Variants in N4BP2L2 observed in about 807,000 individuals in gnomAD.
The protein encoded by N4BP2L2 is NEDD4 binding protein 2 like 2, also known as NEDD4-binding protein 2-like 2.
A neutral mutation model predicts 56.2 loss-of-function variants in N4BP2L2; 50 were observed. That is an observed-to-expected ratio of 0.89 (90% CI 0.71 to 1.13). N4BP2L2 has a LOEUF of 1.13. Among genes scored for constraint, N4BP2L2 ranks in the 50% most tolerant of loss-of-function variants. The pLI, the probability that N4BP2L2 is intolerant of heterozygous loss-of-function variation, is 0.00. For synonymous variants in N4BP2L2, 203 were observed against 223.6 expected (o/e 0.91, Z 0.82); for missense variants, 689 against 693.8 (o/e 0.99, Z 0.08).
chr13:32,533,716 A>C (rs2055690330), intron 2 of N4BP2L2, among the ~76,000 whole-genome samples: 1 of 151,932 alleles, frequency 6.6e-6, no homozygotes, highest in African/African-American at 2.4e-5. Context: ...CTGGGTTTTC[A>C]GGTGTGAGCC....
At chr13:32,447,375 A>G (rs2077195315) in intron 6 of N4BP2L2, among the ~76,000 whole-genome samples, 2 of 152,188 alleles carry the variant, frequency 1.3e-5, no homozygotes, top group Admixed American at 6.6e-5. Flanking sequence ...AGATCAACAG[A>G]TGGGCACAAG....
chr13:32,444,259 T>C (rs2076704706), intron 6 of N4BP2L2: 1 of 615,236 alleles, frequency 1.6e-6, no homozygotes, highest in East Asian at 3.3e-5. Context: ...GCACGTACTT[T>C]TTCTTTGTTT....
In N4BP2L2 at chr13:32,443,822, CG is replaced by C; in HGVS notation, c.669del (p.Asn223LysfsTer5). 6.3e-7 allele frequency: 1 copy of C among 1,586,420 alleles called. No homozygotes were observed. Among genetic ancestry groups the C allele is most frequent in the Non-Finnish European group, 8.6e-7 (1 of 1,168,344 alleles). ...TTGTCTAATTCAACTATAGACATAA[CG>C]TTTTGGAAACTGTCTTTAGGATCTT... is the stretch of plus-strand genomic sequence containing the variant. On this transcript the variant is annotated frameshift_variant, in exon 7 of 10. Coordinates refer to the N4BP2L2 transcript ENST00000357505. LOFTEE classifies it high-confidence loss of function.
exon 7 of N4BP2L2, chr13:32,442,978 T>C (rs1226167389): frequency 6.2e-7 from 1 of 1,613,730 alleles, no homozygotes; most frequent in Non-Finnish European, 8.5e-7. Context: ...TCCATGGTTT[T>C]TTGTTAACAG....
At chr13:32,467,371 C>T (rs1444892117) in intron 6 of N4BP2L2, among the ~76,000 whole-genome samples, 1 of 151,850 alleles carries the variant, frequency 6.6e-6, no homozygotes, top group Non-Finnish European at 1.5e-5. Context: ...GATTCTCCTG[C>T]CTCAGCTTCC....
chr13:32,536,278 T>C, exon 2 of N4BP2L2: 2 of 1,613,632 alleles, frequency 1.2e-6, no homozygotes, highest in African/African-American at 1.3e-5. Context: ...GTATTACTTG[T>C]CCATTACAGG....
chr13:32,453,781 C>T (rs545763052), intron 6 of N4BP2L2, among the ~76,000 whole-genome samples: 2 of 152,354 alleles, frequency 1.3e-5, no homozygotes, highest in South Asian at 2.1e-4. Flanking sequence ...ACCTTCTTCT[C>T]AAAGAACTGT....
intron 6 of N4BP2L2, among the ~76,000 whole-genome samples, chr13:32,452,980 T>G (rs1486950010): frequency 6.6e-6 from 1 of 152,178 alleles, no homozygotes; most frequent in East Asian, 1.9e-4. Flanking sequence ...TATTCTTGGT[T>G]GGGCACAGTG....
rs189411943 is a variant in N4BP2L2 at position 32,433,413 on chromosome 13, C to T, written c.*22-441G>A. Among the ~76,000 whole-genome samples, 171 of 151,742 alleles carry T rather than the reference C, an allele frequency of 1.1e-3. 1 individual carries two copies. In the South Asian group the frequency reaches 0.014, roughly 12 times the overall value. On this transcript the variant is annotated intron_variant, in intron 9 of 9. Coordinates refer to the N4BP2L2 transcript ENST00000357505. ...TGGGAGGCCGAGGTGGGCAGATCAC[C>T]TGAGGTCAGGAGTTCAAGACCAGCC...
chr13:32,457,710 T>C (rs1033565491), intron 6 of N4BP2L2, among the ~76,000 whole-genome samples: 6 of 152,158 alleles, frequency 3.9e-5, no homozygotes, highest in Non-Finnish European at 7.4e-5. Context: ...AGACTGGCAC[T>C]ACAAGAAACG....
chr13:32,472,143 G>A (rs544118642), intron 6 of N4BP2L2, among the ~76,000 whole-genome samples: 31 of 152,274 alleles, frequency 2.0e-4, no homozygotes, highest in South Asian at 1.7e-3. Context: ...AGACAACATC[G>A]TAAAGAGCGG....
chr13:32,448,670 C>A (rs903678701), intron 6 of N4BP2L2, among the ~76,000 whole-genome samples: 4 of 151,866 alleles, frequency 2.6e-5, no homozygotes, highest in Admixed American at 1.3e-4. Context: ...CTGAAGAAAG[C>A]AGGAAGGGAG....
intron 6 of N4BP2L2, chr13:32,505,221 G>A (rs1191603715): frequency 2.0e-5 from 3 of 152,362 alleles, no homozygotes; most frequent in African/African-American, 7.2e-5. Flanking sequence ...CCATTTTATA[G>A]AATCTCAAGA....
rs1271589711 is a variant in N4BP2L2 at position 32,526,707 on chromosome 13, C to T, written c.1384+701G>A. 3.3e-5 allele frequency among the ~76,000 whole-genome samples: 5 copies of T among 150,700 alleles called. No individual in the cohort carries two copies. In the South Asian group the frequency reaches 1.1e-3, roughly 32 times the overall value. On this transcript the variant is annotated intron_variant, in intron 3 of 5. Coordinates refer to ENST00000267068, the Ensembl canonical transcript of N4BP2L2. ...TCAACAGTTTTCAATTCTGACTATA[C>T]ATCAGAATCGTCTGGAGAAATTTCA...
intron 6 of N4BP2L2, among the ~76,000 whole-genome samples, chr13:32,446,761 C>T (rs567782087): frequency 2.0e-5 from 3 of 152,148 alleles, no homozygotes; most frequent in African/African-American, 7.2e-5. Flanking sequence ...TACAATTGCA[C>T]TTGGAAAATT....
At chr13:32,449,267 G>A (rs978730537) in intron 6 of N4BP2L2, among the ~76,000 whole-genome samples, 6 of 152,190 alleles carry the variant, frequency 3.9e-5, no homozygotes, top group African/African-American at 1.4e-4. Context: ...CTATAATTAT[G>A]TAGTTTGTCT....
chr13:32,441,619 G>A (rs949019956), intron 7 of N4BP2L2, among the ~76,000 whole-genome samples: 8 of 150,996 alleles, frequency 5.3e-5, no homozygotes, highest in Non-Finnish European at 1.0e-4. Context: ...GGGAAGTGGA[G>A]GTTGCAGTGA....
intron 6 of N4BP2L2, among the ~76,000 whole-genome samples, chr13:32,450,529 T>C (rs2138453652): frequency 6.6e-6 from 1 of 152,232 alleles, no homozygotes; most frequent in African/African-American, 2.4e-5. Context: ...TTTCACTGTG[T>C]TAACCAGGAC....
At chr13:32,536,316 T>A (rs764254454) in exon 2 of N4BP2L2, 3 of 1,613,966 alleles carry the variant, frequency 1.9e-6, no homozygotes, top group Non-Finnish European at 2.5e-6. Flanking sequence ...TTCCCCAAGT[T>A]CTGCTGATAA....
Sources: allele counts gnomAD v4.1 joint callset (sites outside exome capture counted in the v4.1 genomes callset), GRCh38; gene constraint gnomAD v4.1.1; transcripts MANE v1.5; gene names NCBI Gene and HGNC (gene_info 2026-07-23, HGNC 2026-07-21).